The following MRRF variants were observed in gnomAD, a reference collection of about 807,000 sequenced individuals.
MRRF encodes the protein mitochondrial ribosome recycling factor.
MRRF carries 18 observed loss-of-function variants against 25.1 expected under a neutral mutation model. That is an observed-to-expected ratio of 0.72 (90% CI 0.50 to 1.06). The LOEUF (loss-of-function observed/expected upper bound fraction) is 1.06, where lower values mean the gene tolerates loss of function less well. Among genes scored for constraint, MRRF ranks in the 50% least tolerant of loss-of-function variants. The probability of loss-of-function intolerance (pLI) is 0.00; values close to 1 mark genes in which losing one functional copy is unlikely to be tolerated. For missense variants in MRRF, 323 were observed against 319.3 expected, an observed-to-expected ratio of 1.01 and a Z score of -0.09; for synonymous variants, 113 against 112.1, an observed-to-expected ratio of 1.01 and a Z score of -0.05.
At chr9:122,277,560 C>CT (rs1278176867) in intron 2 of MRRF, among the ~76,000 whole-genome samples, 6 of 151,664 alleles carry the variant, frequency 4.0e-5, no homozygotes, top group Non-Finnish European at 7.4e-5. Flanking sequence ...TACTTTCTTT[C>CT]TTTTTTTTGA....
rs572333350 is a variant in MRRF at position 122,330,455 on chromosome 9, C to G, written c.*7838C>G. 5 of 152,290 alleles carry G rather than the reference C, an allele frequency of 3.3e-5. No homozygotes were observed. The highest frequency in any genetic ancestry group is 7.3e-5 in the Non-Finnish European group (5 of 68,082). 9.4% of individuals were successfully genotyped at this position (152,290 alleles called of 1,614,324 possible). On this transcript the variant is annotated 3_prime_UTR_variant, in exon 7 of 7. Transcript: ENST00000344641. This position sits in a 1 kb window ranked among gnomAD's most constrained non-coding sequence, Gnocchi z 4.2. The stretch of plus-strand genomic sequence containing the variant: ...CTGCTATTCTCTTCCTTTCCTGGCT[C>G]AGGCCTTGATCCAAATAGCTCCCTT...
intron 5 of MRRF, among the ~76,000 whole-genome samples, chr9:122,297,195 C>A (rs542657049): frequency 3.9e-5 from 6 of 152,110 alleles, no homozygotes; most frequent in Non-Finnish European, 8.8e-5. Context: ...CGCCTGTAAT[C>A]CCAGCTACTC....
intron 5 of MRRF, among the ~76,000 whole-genome samples, chr9:122,292,082 T>G (rs1833809407): frequency 6.6e-6 from 1 of 152,240 alleles, no homozygotes; most frequent in Non-Finnish European, 1.5e-5. Flanking sequence ...ATAGTTTACA[T>G]TCTGGTTGGG....
chr9:122,304,993 G>C (rs1456936473), intron 5 of MRRF, among the ~76,000 whole-genome samples: 2 of 151,882 alleles, frequency 1.3e-5, no homozygotes, highest in Non-Finnish European at 2.9e-5. Flanking sequence ...CCCGGGCTGG[G>C]GTGCAGTGGC....
intron 3 of MRRF, among the ~76,000 whole-genome samples, chr9:122,282,683 A>G (rs1342820485): frequency 2.0e-5 from 3 of 152,274 alleles, no homozygotes. Flanking sequence ...AATACATTAT[A>G]GAAAGCATTT....
At chr9:122,271,379 T>C (rs980134010) in intron 2 of MRRF, among the ~76,000 whole-genome samples, 3 of 152,222 alleles carry the variant, frequency 2.0e-5, no homozygotes, top group Non-Finnish European at 4.4e-5. Flanking sequence ...AGAATGCTTG[T>C]AGCAGGGATC....
At chr9:122,316,832 A>C (rs1326880090) in intron 6 of MRRF, among the ~76,000 whole-genome samples, 2 of 151,778 alleles carry the variant, frequency 1.3e-5, no homozygotes, top group Middle Eastern at 3.2e-3. Context: ...AAAAAAAAAA[A>C]AAACTACATA....
intron 2 of MRRF, among the ~76,000 whole-genome samples, chr9:122,277,582 A>G (rs1252514864): frequency 1.3e-5 from 2 of 151,874 alleles, no homozygotes; most frequent in Admixed American, 6.6e-5. Context: ...ACAGAGTCTC[A>G]CTCTGTCGTC....
intron 5 of MRRF, among the ~76,000 whole-genome samples, chr9:122,298,692 G>A (rs181688771): frequency 1.6e-4 from 25 of 152,330 alleles, no homozygotes; most frequent in Admixed American, 3.3e-4. Context: ...GCCAAGCATA[G>A]TGTTAGACAC....
At chr9:122,298,001 ATGATTGAACTCACT>A (rs1834203255) in intron 5 of MRRF, among the ~76,000 whole-genome samples, 2 of 152,170 alleles carry the variant, frequency 1.3e-5, no homozygotes, top group Non-Finnish European at 2.9e-5. Flanking sequence ...TCTATACTCT[ATGATTGAACTCACT>A]CTGTTCCCTA....
intron 4 of MRRF, among the ~76,000 whole-genome samples, chr9:122,289,847 G>A (rs1040128507): frequency 9.2e-5 from 14 of 151,794 alleles, no homozygotes; most frequent in African/African-American, 3.4e-4. Flanking sequence ...GGGCAACATG[G>A]TGAGACTCCA....
chr9:122,265,588 C>T (rs1832015787), intron 1 of MRRF: 3 of 386,728 alleles, frequency 7.8e-6, no homozygotes, highest in Admixed American at 6.8e-5. Context: ...TGTTGCATTT[C>T]CCCCCATTTT....
At chr9:122,287,829 T>C (rs1833505190) in intron 4 of MRRF, among the ~76,000 whole-genome samples, 1 of 152,210 alleles carries the variant, frequency 6.6e-6, no homozygotes, top group Non-Finnish European at 1.5e-5. Flanking sequence ...TTACATTGTC[T>C]TTTGAATTCC....
intron 5 of MRRF, among the ~76,000 whole-genome samples, chr9:122,292,658 A>G (rs1343918120): frequency 6.6e-6 from 1 of 152,096 alleles, no homozygotes; most frequent in Non-Finnish European, 1.5e-5. Flanking sequence ...CTTTATTCTC[A>G]CTGTGATGGG....
chr9:122,294,748 T>C (rs1010449801), intron 5 of MRRF, among the ~76,000 whole-genome samples: 1 of 152,238 alleles, frequency 6.6e-6, no homozygotes. Flanking sequence ...TGCTGCCTTC[T>C]AGTTCCTTAT....
chr9:122,314,557 C>T (rs1274465271), intron 6 of MRRF, among the ~76,000 whole-genome samples: 1 of 152,174 alleles, frequency 6.6e-6, no homozygotes, highest in African/African-American at 2.4e-5. Context: ...TCTGGGGCCC[C>T]ATTTCCAGAG....
At chr9:122,284,473 A>G (rs970371290) in intron 3 of MRRF, among the ~76,000 whole-genome samples, 5 of 152,178 alleles carry the variant, frequency 3.3e-5, no homozygotes, top group African/African-American at 4.8e-5. Context: ...TAAGGTAGTT[A>G]TTTTTTGACT....
chr9:122,285,363 T>A, intron 4 of MRRF, 76 bp downstream of exon 4: 1 of 890,518 alleles, frequency 1.1e-6, no homozygotes, highest in Non-Finnish European at 1.9e-6. Flanking sequence ...CAGGAGGAAG[T>A]GTTCCTTCAG....
chr9:122,303,245 C>T (rs961020456), intron 5 of MRRF, among the ~76,000 whole-genome samples: 12 of 151,008 alleles, frequency 7.9e-5, no homozygotes, highest in Admixed American at 6.6e-4. Flanking sequence ...GTATATCCTT[C>T]CAGATTTCAA....
Sources: gnomAD v4.1 joint callset for allele counts (sites outside exome capture counted in the v4.1 genomes callset) on GRCh38, gnomAD v4.1.1 for gene constraint, Gnocchi (gnomAD v3.1) non-coding constraint, MANE v1.5 for transcripts, NCBI Gene and HGNC (gene_info 2026-07-23, HGNC 2026-07-21) for gene names.